Variants in FILIP1 observed in about 807,000 individuals in gnomAD.
FILIP1 encodes the protein filamin-A-interacting protein 1.
A neutral mutation model predicts 102.1 loss-of-function variants in FILIP1; 61 were observed. The observed-to-expected ratio is 0.60, with a 90% CI of 0.49 to 0.74. The LOEUF is 0.74. Among genes scored for constraint, FILIP1 ranks in the 30% least tolerant of loss-of-function variants. The pLI, the probability that FILIP1 is intolerant of heterozygous loss-of-function variation, is 0.00. For synonymous variants in FILIP1, 491 were observed against 526.9 expected (o/e 0.93, Z 0.93); for missense variants, 1,314 against 1,441.2 (o/e 0.91, Z 1.43).
chr6:75,322,020 T>C (rs1401037989), intron 4 of FILIP1, among the ~76,000 whole-genome samples: 1 of 151,956 alleles, frequency 6.6e-6, no homozygotes, highest in African/African-American at 2.4e-5. Flanking sequence ...AGGAAGAGGG[T>C]TTTGGGAAGG....
At chr6:75,298,253 T>C (rs1247020828) in intron 6 of FILIP1, among the ~76,000 whole-genome samples, 3 of 152,244 alleles carry the variant, frequency 2.0e-5, no homozygotes, top group African/African-American at 7.2e-5. Flanking sequence ...ATCCTATGTA[T>C]GCTAATGCTA....
chr6:75,383,502 A>T (rs1008564920), intron 2 of FILIP1, among the ~76,000 whole-genome samples: 1 of 152,204 alleles, frequency 6.6e-6, no homozygotes, highest in African/African-American at 2.4e-5. Flanking sequence ...TGTTATAAAA[A>T]AATCAACATT....
chr6:75,340,035 T>C (rs1184676840), intron 4 of FILIP1, among the ~76,000 whole-genome samples: 1 of 152,002 alleles, frequency 6.6e-6, no homozygotes, highest in Non-Finnish European at 1.5e-5. Context: ...TTTATAGAAA[T>C]ATAGCAATAA....
At chr6:75,396,031 T>C (rs1482262062) in intron 2 of FILIP1, among the ~76,000 whole-genome samples, 1 of 152,022 alleles carries the variant, frequency 6.6e-6, no homozygotes, top group Non-Finnish European at 1.5e-5. Context: ...TCAGCCAACC[T>C]GGAACACATA....
At chr6:75,358,806 T>C (rs1163339009) in intron 3 of FILIP1, among the ~76,000 whole-genome samples, 2 of 149,778 alleles carry the variant, frequency 1.3e-5, no homozygotes, top group African/African-American at 2.5e-5. Context: ...CACTGCAACC[T>C]TTGCCTCCCA....
intron 1 of FILIP1, among the ~76,000 whole-genome samples, chr6:75,477,212 G>T (rs1779499957): frequency 6.6e-6 from 1 of 152,134 alleles, no homozygotes; most frequent in Non-Finnish European, 1.5e-5. Flanking sequence ...TTTATATGTG[G>T]AATCTAATAA....
chr6:75,492,516 C>T (rs2149790882), intron 1 of FILIP1, among the ~76,000 whole-genome samples: 1 of 152,204 alleles, frequency 6.6e-6, no homozygotes, highest in Non-Finnish European at 1.5e-5. Context: ...CTAACTATAT[C>T]AACAATGTAC....
At position 75,344,100 on chromosome 6, in the gene FILIP1, C is replaced by A. The variant is rs952048040; in HGVS notation, c.629+9439G>T. On this transcript the variant is annotated intron_variant, in intron 4 of 5. Transcript: ENST00000237172. ...CTTCAGAAGTAGGCATCCATTGTAA[C>A]CCCAGCTATGATGTGGTTTTCTTTA... 4.6e-5 allele frequency among the ~76,000 whole-genome samples: 7 copies of A among 152,198 alleles called. 1 individual carries two copies. The highest frequency in any genetic ancestry group is 2.6e-4 in the Admixed American group (4 of 15,276).
intron 1 of FILIP1, among the ~76,000 whole-genome samples, chr6:75,456,108 C>T (rs1305381536): frequency 6.6e-6 from 1 of 152,176 alleles, no homozygotes; most frequent in Non-Finnish European, 1.5e-5. Flanking sequence ...TTCCTCCACA[C>T]TAAGAGGCTA....
chr6:75,306,747 C>CT (rs61305571), downstream of FILIP1, among the ~76,000 whole-genome samples: 59,538 of 149,256 alleles, frequency 0.4, 12,054 homozygotes, highest in East Asian at 0.55. Context: ...CCTCAATTTT[C>CT]TTTTTTTTCC....
At chr6:75,325,610 T>C (rs992192439) in intron 4 of FILIP1, among the ~76,000 whole-genome samples, 18 of 152,116 alleles carry the variant, frequency 1.2e-4, no homozygotes, top group Non-Finnish European at 1.9e-4. Context: ...AAAGATGATA[T>C]ACCAACAGCC....
chr6:75,396,728 G>C (rs1005926139), intron 2 of FILIP1, among the ~76,000 whole-genome samples: 8 of 152,062 alleles, frequency 5.3e-5, no homozygotes, highest in Non-Finnish European at 1.0e-4. Context: ...GGAAGCCTAT[G>C]TCTCTTAAAC....
chr6:75,364,591 A>G (rs1009952824), intron 2 of FILIP1, among the ~76,000 whole-genome samples: 12 of 152,204 alleles, frequency 7.9e-5, no homozygotes, highest in Non-Finnish European at 1.6e-4. Context: ...ATGATTCACA[A>G]TGCTGACTGT....
chr6:75,386,031 C>A (rs1336257238), intron 2 of FILIP1: 1 of 152,150 alleles, frequency 6.6e-6, no homozygotes, highest in East Asian at 1.9e-4. Context: ...AGGGAAAGAA[C>A]TTTCTGGATT....
chr6:75,470,079 G>A (rs1779284864), intron 1 of FILIP1, among the ~76,000 whole-genome samples: 1 of 152,074 alleles, frequency 6.6e-6, no homozygotes, highest in African/African-American at 2.4e-5. Flanking sequence ...ATGGAATTAA[G>A]TAAAACCATA....
At position 75,345,490 on chromosome 6, in the gene FILIP1, A is replaced by G. The variant is rs1052135769; in HGVS notation, c.629+8049T>C. Among the ~76,000 whole-genome samples, 14 of 152,280 alleles carry G rather than the reference A, an allele frequency of 9.2e-5. No homozygotes were observed. In the East Asian group the frequency reaches 2.7e-3, roughly 29 times the overall value. ...TACTACCTGGGACTAGGCCTGTTCAAAATGGCAGGGCCATCTTCTTTTTGC... is the reference window on the plus strand; with the variant it reads ...TACTACCTGGGACTAGGCCTGTTCAGAATGGCAGGGCCATCTTCTTTTTGC... On this transcript the variant is annotated intron_variant, in intron 4 of 5. Coordinates refer to ENST00000237172, the MANE Select transcript of FILIP1 (RefSeq NM_015687.5).
Position 75,403,514 on chromosome 6 carries a change from C to CA in FILIP1, c.276+11182dup, listed in dbSNP as rs766214016. 5.9e-3 allele frequency among the ~76,000 whole-genome samples: 170 copies of CA among 28,826 alleles called. 1 individual carries two copies. The highest frequency in any genetic ancestry group is 0.02 in the East Asian group (29 of 1,426). 18.9% of individuals were successfully genotyped at this position (28,826 alleles called of 152,430 possible). Reference sequence around the variant, plus strand: ...GGCAACAAAGCAAGACTCTGTCCCACAAAAAAAAAAAAAAAAGAAAAAGAA... The same window carrying CA: ...GGCAACAAAGCAAGACTCTGTCCCACAAAAAAAAAAAAAAAAAGAAAAAGAA... On this transcript the variant is annotated intron_variant, in intron 2 of 5. Coordinates refer to ENST00000237172, the MANE Select transcript of FILIP1 (RefSeq NM_015687.5).
downstream of FILIP1, among the ~76,000 whole-genome samples, chr6:75,306,072 G>T (rs1455838849): frequency 2.6e-5 from 4 of 152,172 alleles, no homozygotes; most frequent in African/African-American, 9.7e-5. Context: ...ATCCCCAGTG[G>T]ATTTTATTTC....
rs1351474160 is a variant in FILIP1, at chr6:75,414,850, TTTC to T, written c.120_122del (p.Lys41del). On this transcript the variant is annotated inframe_deletion, in exon 2 of 6. Coordinates refer to ENST00000237172, the MANE Select transcript of FILIP1 (RefSeq NM_015687.5). The stretch of plus-strand genomic sequence containing the variant: ...TGACATCATCCTCCTTCCTATTTGA[TTTC>T]TTCTTCTTTTTTGCATCTTCTGAGA... 4 of 1,613,852 alleles carry T rather than the reference TTTC, an allele frequency of 2.5e-6. No individual in the cohort carries two copies. Among genetic ancestry groups the T allele is most frequent in the Non-Finnish European group, 3.4e-6 (4 of 1,179,916 alleles).
Sources: gnomAD v4.1 joint callset for allele counts (sites outside exome capture counted in the v4.1 genomes callset) on GRCh38, gnomAD v4.1.1 for gene constraint, MANE v1.5 for transcripts, NCBI Gene and HGNC (gene_info 2026-07-23, HGNC 2026-07-21) for gene names.